The following SCAI variants were observed in gnomAD, a reference collection of about 807,000 sequenced individuals.
The protein encoded by SCAI is suppressor of cancer cell invasion.
SCAI carries 24 observed loss-of-function variants against 92.2 expected under a neutral mutation model. The ratio of observed to expected loss-of-function variants is 0.26; its 90% CI spans 0.19 to 0.37. The LOEUF is 0.37. SCAI is among the 10% of genes least tolerant of loss of function. SCAI has a pLI of 1.00. For missense variants in SCAI, 450 were observed against 736.2 expected (o/e 0.61, Z 4.50); for synonymous variants, 261 against 258.6 (o/e 1.01, Z -0.09).
intron 2 of SCAI, among the ~76,000 whole-genome samples, chr9:125,110,212 AT>A (rs1353384282): frequency 1.3e-5 from 2 of 152,238 alleles, no homozygotes; most frequent in Admixed American, 1.3e-4. Flanking sequence ...TGAACAGATC[AT>A]TTGTCTTCAT....
chr9:125,062,036 TA>T (rs897597424), intron 2 of SCAI, among the ~76,000 whole-genome samples: 5 of 152,216 alleles, frequency 3.3e-5, no homozygotes, highest in African/African-American at 1.2e-4. Flanking sequence ...TAAATGGAGT[TA>T]AAGTTTGCTG....
At chr9:124,956,219 T>A (rs1244049760) in intron 17 of SCAI, among the ~76,000 whole-genome samples, 1 of 149,954 alleles carries the variant, frequency 6.7e-6, no homozygotes, top group Admixed American at 6.7e-5. Context: ...TTGATTTAAC[T>A]TTTTTTTTTA....
intron 17 of SCAI, among the ~76,000 whole-genome samples, chr9:124,967,545 A>T (rs560101866): frequency 6.6e-6 from 1 of 152,228 alleles, no homozygotes; most frequent in Admixed American, 6.5e-5. Context: ...ATTATGCTAC[A>T]TCACTCAGCT....
chr9:125,087,577 A>G (rs1318569798), intron 2 of SCAI, among the ~76,000 whole-genome samples: 2 of 152,226 alleles, frequency 1.3e-5, no homozygotes, highest in African/African-American at 4.8e-5. Context: ...TTTACACGGC[A>G]CTTTCAAACA....
intron 2 of SCAI, among the ~76,000 whole-genome samples, chr9:125,138,449 C>CT (rs1172254889): frequency 2.0e-5 from 3 of 151,314 alleles, no homozygotes; most frequent in Non-Finnish European, 4.4e-5. Context: ...CGGAGTCTCG[C>CT]TGTCGCCCAG....
chr9:125,025,507 G>A (rs961989715), intron 6 of SCAI, among the ~76,000 whole-genome samples: 5 of 152,094 alleles, frequency 3.3e-5, no homozygotes, highest in African/African-American at 9.7e-5. Flanking sequence ...TTTTAATGCC[G>A]ATAAAATGTT....
chr9:125,136,456 CTTTTT>C (rs1167871254), intron 2 of SCAI, among the ~76,000 whole-genome samples: 31 of 95,214 alleles, frequency 3.3e-4, no homozygotes, highest in Non-Finnish European at 8.2e-5. Flanking sequence ...TAATACCTTT[CTTTTT>C]TTTTTTTTTT....
intron 2 of SCAI, among the ~76,000 whole-genome samples, chr9:125,094,465 TC>T (rs1564410487): frequency 6.6e-6 from 1 of 152,204 alleles, no homozygotes; most frequent in Non-Finnish European, 1.5e-5. Context: ...TTTCTGGTCT[TC>T]CCTGACCACC....
At chr9:125,104,751 T>A (rs1386863018) in intron 2 of SCAI, among the ~76,000 whole-genome samples, 1 of 151,530 alleles carries the variant, frequency 6.6e-6, no homozygotes, top group Non-Finnish European at 1.5e-5. Context: ...AAACCCTTTG[T>A]TTGTCAAAAA....
chr9:125,006,627 G>A (rs1389918750), intron 9 of SCAI, among the ~76,000 whole-genome samples: 2 of 152,072 alleles, frequency 1.3e-5, no homozygotes, highest in Non-Finnish European at 2.9e-5. Flanking sequence ...GAGTAGCTAG[G>A]ACTACAGGCG....
At chr9:124,977,332 C>T (rs993621302) in intron 14 of SCAI, among the ~76,000 whole-genome samples, 5 of 152,028 alleles carry the variant, frequency 3.3e-5, no homozygotes, top group African/African-American at 1.2e-4. Context: ...CCCAAGAGAA[C>T]TCTGAAAAAG....
intron 2 of SCAI, among the ~76,000 whole-genome samples, chr9:125,078,507 G>A (rs903270675): frequency 9.2e-5 from 14 of 152,182 alleles, no homozygotes; most frequent in South Asian, 4.1e-4. Flanking sequence ...CAGCTTGGGC[G>A]ATAAGAGTGA....
intron 17 of SCAI, among the ~76,000 whole-genome samples, chr9:124,962,213 G>C (rs568639305): frequency 1.0e-3 from 148 of 142,294 alleles, no homozygotes; most frequent in African/African-American, 3.2e-3. Flanking sequence ...AGGCTGGAGT[G>C]CAGTGGTGTG....
At chr9:124,975,729 T>TA (rs1588126734) in intron 15 of SCAI, among the ~76,000 whole-genome samples, 1 of 152,206 alleles carries the variant, frequency 6.6e-6, no homozygotes, top group Admixed American at 6.5e-5. Flanking sequence ...CCAGCAATCT[T>TA]AAAGTCTTAA....
chr9:125,053,550 T>G (rs1397258696), intron 3 of SCAI, among the ~76,000 whole-genome samples: 2 of 152,168 alleles, frequency 1.3e-5, no homozygotes, highest in African/African-American at 4.8e-5. Context: ...AAGATGTCCA[T>G]GATAGAAGAC....
At chr9:125,037,630 C>A (rs1833226687) in intron 3 of SCAI, among the ~76,000 whole-genome samples, 1 of 151,954 alleles carries the variant, frequency 6.6e-6, no homozygotes, top group Non-Finnish European at 1.5e-5. Flanking sequence ...AGAAGAATTT[C>A]TTGGCCGGGT....
intron 2 of SCAI, among the ~76,000 whole-genome samples, chr9:125,066,452 A>ATTTT (rs879310884): frequency 5.1e-5 from 6 of 118,688 alleles, no homozygotes; most frequent in African/African-American, 2.0e-4. Context: ...ATTTTATTTT[A>ATTTT]TTTATTTATT....
intron 2 of SCAI, among the ~76,000 whole-genome samples, chr9:125,105,850 G>A (rs923065803): frequency 4.6e-5 from 7 of 151,666 alleles, no homozygotes; most frequent in African/African-American, 1.5e-4. Flanking sequence ...TGTAATCCCA[G>A]CACTCTGGGA....
intron 2 of SCAI, among the ~76,000 whole-genome samples, chr9:125,092,131 TAAAAAAAAAAAAAAAA>T (rs71374225): frequency 0.048 from 2,909 of 61,114 alleles, 153 homozygotes; most frequent in African/African-American, 0.11. Flanking sequence ...CTCCGTCTCT[TAAAAAAAAAAAAAAAA>T]AAAAAAAAAA....
Sources: gnomAD v4.1 joint callset for allele counts (sites outside exome capture counted in the v4.1 genomes callset) on GRCh38, gnomAD v4.1.1 for gene constraint, MANE v1.5 for transcripts, NCBI Gene and HGNC (gene_info 2026-07-23, HGNC 2026-07-21) for gene names.